Variants in MIB1 observed in about 807,000 individuals in gnomAD.
MIB1 encodes the protein E3 ubiquitin-protein ligase MIB1.
Under a neutral mutation model 124.5 loss-of-function variants are expected in MIB1, and 278 were observed. The ratio of observed to expected loss-of-function variants is 2.23; its 90% CI spans 2.02 to 2.47. MIB1 has a LOEUF of 2.47. Ranked by LOEUF, MIB1 falls within the 30% of genes most tolerant of loss-of-function variation. The pLI is 0.00. For synonymous variants in MIB1, 446 were observed against 429.4 expected, an observed-to-expected ratio of 1.04 and a Z score of -0.48; for missense variants, 957 against 1,254.4, an observed-to-expected ratio of 0.76 and a Z score of 3.58.
intron 1 of MIB1, among the ~76,000 whole-genome samples, chr18:21,764,691 C>G (rs1417047976): frequency 6.6e-6 from 1 of 151,798 alleles, no homozygotes; most frequent in Non-Finnish European, 1.5e-5. Context: ...TACCTAAATC[C>G]CACTTTACTT....
chr18:21,827,467 T>C (rs1192943785), intron 12 of MIB1: 1 of 152,108 alleles, frequency 6.6e-6, no homozygotes, highest in Non-Finnish European at 1.5e-5. Flanking sequence ...CCAATATAAC[T>C]GTTTATTATA....
chr18:21,765,085 A>G (rs1332186043), intron 1 of MIB1, among the ~76,000 whole-genome samples: 2 of 152,186 alleles, frequency 1.3e-5, no homozygotes, highest in Non-Finnish European at 2.9e-5. Context: ...TTCATTACTT[A>G]TATTGGTACC....
chr18:21,779,376 A>G, intron 5 of MIB1, 105 bp from the exon 6 acceptor site: 6 of 846,724 alleles, frequency 7.1e-6, no homozygotes, highest in Non-Finnish European at 9.7e-6. Flanking sequence ...TTAAAACTAG[A>G]TGGTACCTGA....
At chr18:21,739,426 C>A (rs2040817072), upstream of MIB1, among the ~76,000 whole-genome samples, 1 of 152,144 alleles carries the variant, frequency 6.6e-6, no homozygotes. Context: ...AATCCTCCCT[C>A]CTTCGTAAAA....
intron 2 of MIB1, among the ~76,000 whole-genome samples, chr18:21,768,353 C>T (rs1033413362): frequency 6.6e-6 from 1 of 152,112 alleles, no homozygotes; most frequent in African/African-American, 2.4e-5. Context: ...AGGAGTGTAA[C>T]ACACTTTACT....
intron 1 of MIB1, among the ~76,000 whole-genome samples, chr18:21,717,524 A>G (rs2040694687): frequency 6.6e-6 from 1 of 152,220 alleles, no homozygotes; most frequent in South Asian, 2.1e-4. Context: ...TCCAGAATCT[A>G]CAATGAACTC....
rs565539198 is a variant in MIB1 at position 21,868,038 on chromosome 18, T to G, written c.*3372T>G. 1 of 152,162 alleles carries G rather than the reference T, an allele frequency of 6.6e-6. No homozygotes were observed. Among genetic ancestry groups the G allele is most frequent in the East Asian group, 1.9e-4 (1 of 5,188 alleles). 9.4% of individuals were successfully genotyped at this position (152,162 alleles called of 1,614,324 possible). A position where few individuals can be genotyped will look rare whatever the true frequency, so the allele number is the denominator to read the frequency against. On this transcript the variant is annotated 3_prime_UTR_variant, in exon 21 of 21. Coordinates refer to ENST00000261537, the MANE Select transcript of MIB1 (RefSeq NM_020774.4). ...TTTTTTAATCCAAAAGGAAAAGCAC[T>G]TATCCTATCAGAATGTCTACCATGT...
At chr18:21,825,664 T>C (rs568802992) in intron 12 of MIB1, 3 of 521,962 alleles carry the variant, frequency 5.7e-6, no homozygotes, top group Admixed American at 2.0e-5. Context: ...GTAATTGATA[T>C]TCACAAATGA....
At chr18:21,745,080 A>G (rs777409075) in intron 1 of MIB1, among the ~76,000 whole-genome samples, 3 of 152,242 alleles carry the variant, frequency 2.0e-5, no homozygotes, top group Non-Finnish European at 4.4e-5. Flanking sequence ...TTTAAAAAAG[A>G]ATGTTCACAG....
At chr18:21,846,270 G>C in intron 15 of MIB1, among the ~76,000 whole-genome samples, 1 of 152,152 alleles carries the variant, frequency 6.6e-6, no homozygotes, top group South Asian at 2.1e-4. Context: ...CTCTTAGCTC[G>C]GTGTGCCTCT....
At chr18:21,809,789 G>A (rs942430755) in intron 10 of MIB1, among the ~76,000 whole-genome samples, 1 of 152,018 alleles carries the variant, frequency 6.6e-6, no homozygotes, top group Non-Finnish European at 1.5e-5. Flanking sequence ...AACCCACAGT[G>A]AACATGATAT....
In MIB1 at chr18:21,869,176, T is replaced by C. The variant is rs1311142458; in HGVS notation, c.*4510T>C. ...CAAGTTGTGATCGACATGTACAAAA[T>C]GTCTAAGAAAGGTCATATGCTGAAT... is the stretch of plus-strand genomic sequence containing the variant. On this transcript the variant is annotated 3_prime_UTR_variant, in exon 21 of 21. Coordinates refer to ENST00000261537, the MANE Select transcript of MIB1 (RefSeq NM_020774.4). 2 of 152,486 alleles carry C rather than the reference T, an allele frequency of 1.3e-5. No homozygotes were observed. The highest frequency in any genetic ancestry group is 4.8e-5 in the African/African-American group (2 of 41,458). The allele number at this position is 152,486 out of a possible 1,614,324, so 9.4% of individuals were successfully genotyped here.
intron 10 of MIB1, among the ~76,000 whole-genome samples, chr18:21,809,342 G>A (rs938587374): frequency 6.6e-6 from 1 of 151,974 alleles, no homozygotes; most frequent in African/African-American, 2.4e-5. Flanking sequence ...ATTTAAAAAA[G>A]AACTAATATT....
rs1350742168 is a variant in MIB1 at position 21,867,343 on chromosome 18, A to G, written c.*2677A>G. The G allele has an allele frequency of 1.3e-5, 2 of 152,426 alleles. No homozygotes were observed. Among genetic ancestry groups the G allele is most frequent in the Admixed American group, 6.6e-5 (1 of 15,238 alleles). The allele number at this position is 152,426 out of a possible 1,614,324, so 9.4% of individuals were successfully genotyped here. The stretch of plus-strand genomic sequence containing the variant: ...TCCTCTCTGTATCCCTCACCCTACC[A>G]TTTTCTCCTTTATTCTTCTAAGATT... On this transcript the variant is annotated 3_prime_UTR_variant, in exon 21 of 21. Transcript: ENST00000261537.
intron 10 of MIB1, among the ~76,000 whole-genome samples, chr18:21,805,900 CTTTTTTTTT>C (rs35904303): frequency 9.5e-6 from 1 of 105,128 alleles, no homozygotes; most frequent in African/African-American, 3.9e-5. Context: ...TCTTTCTTTC[CTTTTTTTTT>C]TTTTTTTTTT....
At chr18:21,812,852 T>G (rs934252570) in intron 10 of MIB1, among the ~76,000 whole-genome samples, 1 of 152,214 alleles carries the variant, frequency 6.6e-6, no homozygotes, top group African/African-American at 2.4e-5. Flanking sequence ...GACAGGCACA[T>G]GAGCTGTGTT....
intron 1 of MIB1, among the ~76,000 whole-genome samples, chr18:21,744,712 C>T (rs115014286): frequency 0.018 from 2,716 of 152,218 alleles, 77 homozygotes; most frequent in African/African-American, 0.06. Context: ...GTATTTTCGG[C>T]AAGAATATCA....
chr18:21,849,493 CCAAA>C (rs2042164108), intron 17 of MIB1, 105 bp downstream of exon 17: 2 of 553,496 alleles, frequency 3.6e-6, no homozygotes, highest in African/African-American at 2.0e-5. Context: ...TTTTGCTCTT[CCAAA>C]CAATGATTTA....
At chr18:21,791,346 A>G in intron 6 of MIB1, 28 bp from the exon 7 acceptor site, 1 of 1,559,864 alleles carries the variant, frequency 6.4e-7, no homozygotes, top group Non-Finnish European at 8.7e-7. Flanking sequence ...AAAGCTACCC[A>G]TTTTGAGGTT....
Sources: allele counts gnomAD v4.1 joint callset (sites outside exome capture counted in the v4.1 genomes callset), GRCh38; gene constraint gnomAD v4.1.1; transcripts MANE v1.5; gene names NCBI Gene and HGNC (gene_info 2026-07-23, HGNC 2026-07-21).